Variants in DCC observed in about 807,000 individuals in gnomAD.
The protein encoded by DCC is DCC netrin 1 receptor, also known as netrin receptor DCC.
Under a neutral mutation model 172.5 loss-of-function variants are expected in DCC, and 58 were observed. That is an observed-to-expected ratio of 0.34 (90% CI 0.27 to 0.42). The LOEUF (loss-of-function observed/expected upper bound fraction) is 0.42. DCC is among the 10% of genes least tolerant of loss of function. DCC has a pLI of 1.00. For missense variants in DCC, 1,740 were observed against 1,791.0 expected (o/e 0.97, Z 0.51); for synonymous variants, 709 against 644.5 (o/e 1.10, Z -1.52).
At chr18:53,075,584 G>A (rs144333868) in intron 7 of DCC, among the ~76,000 whole-genome samples, 9 of 150,230 alleles carry the variant, frequency 6.0e-5, no homozygotes, top group African/African-American at 1.5e-4. Context: ...TAGAAAAAGC[G>A]GAAGAGAAGA....
intron 12 of DCC, among the ~76,000 whole-genome samples, chr18:53,271,866 A>C (rs1486546186): frequency 6.6e-6 from 1 of 152,154 alleles, no homozygotes; most frequent in Non-Finnish European, 1.5e-5. Context: ...TAGTATTGCT[A>C]TGAAGTAATA....
intron 7 of DCC, among the ~76,000 whole-genome samples, chr18:53,128,226 C>T (rs912683744): frequency 2.0e-5 from 3 of 152,028 alleles, no homozygotes; most frequent in African/African-American, 7.2e-5. Context: ...TTAATGTCTG[C>T]CCTGTATCAT....
chr18:53,443,635 A>G (rs1265651632), intron 22 of DCC, among the ~76,000 whole-genome samples: 2 of 152,230 alleles, frequency 1.3e-5, no homozygotes, highest in African/African-American at 2.4e-5. Context: ...TCCAGCTGCC[A>G]TAAAGTGTGA....
chr18:52,946,229 A>G (rs376173880), intron 5 of DCC, among the ~76,000 whole-genome samples: 30 of 152,296 alleles, frequency 2.0e-4, no homozygotes, highest in African/African-American at 6.7e-4. Flanking sequence ...CCTTTTCCCT[A>G]CAAGACAGTA....
intron 1 of DCC, among the ~76,000 whole-genome samples, chr18:52,387,573 T>TCC (rs1384523794): frequency 7.4e-5 from 11 of 148,256 alleles, no homozygotes; most frequent in African/African-American, 1.3e-4. Flanking sequence ...TTTGTTTTGT[T>TCC]TCTTCCTTCC....
At chr18:52,629,746 C>G (rs1279523159) in intron 1 of DCC, among the ~76,000 whole-genome samples, 3 of 151,822 alleles carry the variant, frequency 2.0e-5, no homozygotes, top group Non-Finnish European at 4.4e-5. Context: ...GTCAGGCGAT[C>G]GAGACCATCC....
chr18:53,312,904 GGGAAGGGAAAGGGAGGGGAGGGGA>G (rs2057292798), intron 13 of DCC, among the ~76,000 whole-genome samples: 2 of 72,548 alleles, frequency 2.8e-5, no homozygotes, highest in Non-Finnish European at 9.5e-5. Flanking sequence ...GGGGAGAGGA[GGGAAGGGAAAGGGAGGGGAGGGGA>G]GGGAAGGGAA....
intron 2 of DCC, among the ~76,000 whole-genome samples, chr18:52,861,753 G>A (rs11872222): frequency 0.021 from 3,186 of 152,152 alleles, 57 homozygotes; most frequent in Admixed American, 0.04. Flanking sequence ...TTATGATTAC[G>A]TCAGCTTTTA....
rs577473174 is a variant in DCC at position 53,234,278 on chromosome 18, A to T, written c.1911+18681A>T. On this transcript the variant is annotated intron_variant, in intron 12 of 28. Coordinates refer to ENST00000442544, the MANE Select transcript of DCC (RefSeq NM_005215.4). Reference sequence around the variant, plus strand: ...AATAAAATGAAATAAAAAATACAAAAATTAGCCGGGCGTGGTGTTGGTCAC... The same window carrying T: ...AATAAAATGAAATAAAAAATACAAATATTAGCCGGGCGTGGTGTTGGTCAC... Among the ~76,000 whole-genome samples, 3 of 151,724 alleles carry T rather than the reference A, an allele frequency of 2.0e-5. No homozygotes were observed. The East Asian group carries it at 5.8e-4, about 30-fold the overall frequency.
intron 21 of DCC, among the ~76,000 whole-genome samples, chr18:53,434,558 C>T (rs968510808): frequency 6.6e-6 from 1 of 152,164 alleles, no homozygotes; most frequent in African/African-American, 2.4e-5. Context: ...GAGCTTTCTT[C>T]CCTTTATGGT....
At chr18:53,304,838 G>A (rs1182305926) in intron 12 of DCC, among the ~76,000 whole-genome samples, 1 of 151,970 alleles carries the variant, frequency 6.6e-6, no homozygotes, top group Non-Finnish European at 1.5e-5. Flanking sequence ...CTCTTCTTTG[G>A]CTCAGTCAAC....
intron 2 of DCC, among the ~76,000 whole-genome samples, chr18:52,855,763 C>CTTTTTTTT (rs71175526): frequency 4.1e-5 from 5 of 121,238 alleles, no homozygotes; most frequent in Admixed American, 9.5e-5. Context: ...CGTATAAATT[C>CTTTTTTTT]TTTTTTTTTT....
intron 13 of DCC, among the ~76,000 whole-genome samples, chr18:53,319,541 A>G (rs1261617649): frequency 6.6e-6 from 1 of 152,260 alleles, no homozygotes; most frequent in Non-Finnish European, 1.5e-5. Flanking sequence ...TCAAGTTGTT[A>G]GCAGACTTTG....
chr18:53,366,997 G>T (rs905063756), intron 15 of DCC, among the ~76,000 whole-genome samples: 10 of 152,132 alleles, frequency 6.6e-5, no homozygotes, highest in Admixed American at 6.5e-5. Flanking sequence ...CTGCATTTTG[G>T]TGTTTCTTTA....
At chr18:53,310,964 AATAAAGG>A in intron 13 of DCC, among the ~76,000 whole-genome samples, 1 of 146,194 alleles carries the variant, frequency 6.8e-6, no homozygotes, top group Non-Finnish European at 1.5e-5. Context: ...CTACCCTTAC[AATAAAGG>A]TATACTTAGA....
At chr18:53,278,248 C>T (rs1208463292) in intron 12 of DCC, among the ~76,000 whole-genome samples, 8 of 152,144 alleles carry the variant, frequency 5.3e-5, no homozygotes, top group South Asian at 4.2e-4. Flanking sequence ...AATGTGAGAA[C>T]GTGTGCTGTT....
chr18:52,506,712 A>G (rs1426910105), intron 1 of DCC, among the ~76,000 whole-genome samples: 1 of 152,142 alleles, frequency 6.6e-6, no homozygotes, highest in Non-Finnish European at 1.5e-5. Flanking sequence ...CTACCAAGAA[A>G]TAAATATTCA....
At chr18:53,024,850 A>G (rs930717504) in intron 5 of DCC, among the ~76,000 whole-genome samples, 1 of 152,158 alleles carries the variant, frequency 6.6e-6, no homozygotes, top group Admixed American at 6.6e-5. Flanking sequence ...TAATAGCACT[A>G]ACAATTTGCT....
At chr18:53,149,539 G>A (rs2043968001) in intron 7 of DCC, among the ~76,000 whole-genome samples, 1 of 152,188 alleles carries the variant, frequency 6.6e-6, no homozygotes, top group Admixed American at 6.5e-5. Context: ...ACCTCGCCAA[G>A]CTGCCTGTGG....
Sources: allele counts gnomAD v4.1 joint callset (sites outside exome capture counted in the v4.1 genomes callset), GRCh38; gene constraint gnomAD v4.1.1; transcripts MANE v1.5; gene names NCBI Gene and HGNC (gene_info 2026-07-23, HGNC 2026-07-21).